ANKRD26: variants seen among roughly 807,000 people sequenced by gnomAD.
ANKRD26 encodes the protein ankyrin repeat domain-containing protein 26.
A neutral mutation model predicts 208.7 loss-of-function variants in ANKRD26; 141 were observed. That is an observed-to-expected ratio of 0.68 (90% CI 0.59 to 0.78). The LOEUF (loss-of-function observed/expected upper bound fraction) is 0.78. ANKRD26 is among the 30% of genes least tolerant of loss of function. The pLI is 0.00. For synonymous variants in ANKRD26, 636 were observed against 660.4 expected (o/e 0.96, Z 0.57); for missense variants, 1,889 against 1,938.7 (o/e 0.97, Z 0.48).
At chr10:27,046,278 T>C in intron 18 of ANKRD26, 75 bp downstream of exon 18, 1 of 1,397,494 alleles carries the variant, frequency 7.2e-7, no homozygotes, top group Non-Finnish European at 1.0e-6. Context: ...TTTGGGAGAC[T>C]ACATCATTCT....
intron 32 of ANKRD26, among the ~76,000 whole-genome samples, chr10:27,009,937 A>G (rs1432378638): frequency 6.6e-6 from 1 of 152,168 alleles, no homozygotes; most frequent in Admixed American, 6.5e-5. Flanking sequence ...ATGTACCAAC[A>G]AGTTTTGGCT....
intron 18 of ANKRD26, 132 bp downstream of exon 18, chr10:27,046,221 C>T: frequency 2.1e-6 from 2 of 963,384 alleles, no homozygotes; most frequent in African/African-American, 1.6e-5. Flanking sequence ...GTCACTTGTC[C>T]TCATCTTAAT....
At chr10:26,969,082 A>G (rs1282573484), downstream of ANKRD26, among the ~76,000 whole-genome samples, 2 of 152,168 alleles carry the variant, frequency 1.3e-5, no homozygotes, top group Non-Finnish European at 2.9e-5. Context: ...TTAGCCTAAT[A>G]TATACTCCTT....
intron 6 of ANKRD26, among the ~76,000 whole-genome samples, chr10:27,079,457 G>C (rs993860711): frequency 2.0e-5 from 3 of 152,168 alleles, no homozygotes; most frequent in African/African-American, 7.2e-5. Context: ...GCAGAACCTG[G>C]GAATACTTTG....
downstream of ANKRD26, among the ~76,000 whole-genome samples, chr10:26,989,092 A>T (rs544204370): frequency 0.015 from 2,254 of 150,926 alleles, 22 homozygotes; most frequent in Non-Finnish European, 0.023. Context: ...CGGGCAAGAT[A>T]TTTTTTTTTC....
downstream of ANKRD26, among the ~76,000 whole-genome samples, chr10:26,989,377 T>G (rs970228023): frequency 2.6e-5 from 4 of 152,220 alleles, no homozygotes; most frequent in Admixed American, 2.6e-4. Context: ...TTGTCAAGAC[T>G]TTTTAAAATT....
chr10:26,955,528 C>T, the ANKRD26 span, among the ~76,000 whole-genome samples: 1 of 151,618 alleles, frequency 6.6e-6, no homozygotes, highest in Admixed American at 6.6e-5. Context: ...TGTTCCAATC[C>T]AATTTGCCTT....
chr10:27,042,586 T>C (rs1359278389), intron 20 of ANKRD26, among the ~76,000 whole-genome samples: 1 of 151,984 alleles, frequency 6.6e-6, no homozygotes, highest in Non-Finnish European at 1.5e-5. Context: ...ACCCTGTCTC[T>C]ACTAAAAATA....
intron 32 of ANKRD26, among the ~76,000 whole-genome samples, chr10:27,010,163 A>G (rs1329158011): frequency 6.6e-6 from 1 of 152,172 alleles, no homozygotes; most frequent in Non-Finnish European, 1.5e-5. Flanking sequence ...AAATTTTTTT[A>G]ATGTATGAAA....
chr10:27,033,313 G>A lies in ANKRD26; in HGVS notation c.3719C>T (p.Ala1240Val). 3 of 1,612,592 alleles carry A rather than the reference G, an allele frequency of 1.9e-6. No homozygotes were observed. The highest frequency in any genetic ancestry group is 2.5e-6 in the Non-Finnish European group (3 of 1,179,004). ...DTLKKQSMSE[A>V]SLEVTSRYRI... ...ATAACGTGACGTAACCTCCAGTGAAGCCTCTGACATAGATTGTTTTTTTAG... is the reference window on the plus strand; with the variant it reads ...ATAACGTGACGTAACCTCCAGTGAAACCTCTGACATAGATTGTTTTTTTAG... The change falls in exon 25 of 34, where the codon GCT becomes GTT. Residue 1240 changes from alanine to valine, a missense_variant. By Grantham distance (64) the Ala-to-Val change is moderately conservative. Coordinates refer to ENST00000376087, the MANE Select transcript of ANKRD26 (RefSeq NM_014915.3).
chr10:27,007,518 T>C (rs556079719), intron 32 of ANKRD26, among the ~76,000 whole-genome samples: 10 of 152,238 alleles, frequency 6.6e-5, no homozygotes, highest in South Asian at 2.1e-4. Flanking sequence ...TAGCCAGATA[T>C]GGTGCCTTGT....
At chr10:27,093,834 T>C (rs201656516) in intron 1 of ANKRD26, 35 bp from the exon 2 acceptor site, 440 of 1,435,802 alleles carry the variant, frequency 3.1e-4, no homozygotes, top group Non-Finnish European at 2.0e-4. Flanking sequence ...TAAACTGTAG[T>C]GCACTGTCTC....
At position 27,005,036 on chromosome 10, in the gene ANKRD26, T is replaced by A. The variant is rs2052822753; in HGVS notation, c.*554A>T. Reference sequence around the variant, plus strand: ...TGTACTAAAACTTCGAAATTTTCTCTAAACTGAAGGCTATTTCCAAAAGGT... The same window carrying A: ...TGTACTAAAACTTCGAAATTTTCTCAAAACTGAAGGCTATTTCCAAAAGGT... On this transcript the variant is annotated 3_prime_UTR_variant, in exon 34 of 34. Coordinates refer to ENST00000376087, the MANE Select transcript of ANKRD26 (RefSeq NM_014915.3). 1.0e-6 allele frequency: 1 copy of A among 984,872 alleles called. No individual in the cohort carries two copies. Among genetic ancestry groups the A allele is most frequent in the South Asian group, 4.7e-5 (1 of 21,278 alleles). The allele number at this position is 984,872 out of a possible 1,614,324, so 61.0% of individuals were successfully genotyped here.
chr10:27,013,615 T>C (rs2053191330), intron 31 of ANKRD26, among the ~76,000 whole-genome samples: 1 of 152,236 alleles, frequency 6.6e-6, no homozygotes, highest in Non-Finnish European at 1.5e-5. Context: ...CTAAAAATAC[T>C]TGTATTTAGT....
At chr10:26,975,458 C>T (rs2052211985) in exon 6 of ANKRD26, among the ~76,000 whole-genome samples, 2 of 142,026 alleles carry the variant, frequency 1.4e-5, no homozygotes, top group African/African-American at 5.5e-5. Context: ...CCAGGCTGGC[C>T]TCAAGCAGTC....
chr10:27,032,365 T>C (rs1453951334), intron 25 of ANKRD26, among the ~76,000 whole-genome samples: 3 of 152,052 alleles, frequency 2.0e-5, no homozygotes, highest in Admixed American at 2.0e-4. Flanking sequence ...CCAGGTGCGG[T>C]GGCTCACACC....
exon 6 of ANKRD26, among the ~76,000 whole-genome samples, chr10:26,974,358 T>C (rs1337444229): frequency 1.9e-5 from 2 of 105,504 alleles, no homozygotes; most frequent in Admixed American, 1.0e-4. Flanking sequence ...TTTTTTTTTT[T>C]GAGATGGAGT....
At chr10:27,086,711 C>A in intron 4 of ANKRD26, 102 bp from the exon 5 acceptor site, 4 of 1,274,124 alleles carry the variant, frequency 3.1e-6, no homozygotes, top group Non-Finnish European at 4.2e-6. Flanking sequence ...TCAGAGCTAA[C>A]AGCAGAATTT....
the ANKRD26 span, among the ~76,000 whole-genome samples, chr10:26,963,903 G>GTTTTTTT: frequency 9.7e-5 from 7 of 71,846 alleles, no homozygotes; most frequent in East Asian, 7.4e-4. Context: ...TGGTTGGTTG[G>GTTTTTTT]TTTTTTTTTT....
Sources: gnomAD v4.1 joint callset for allele counts (sites outside exome capture counted in the v4.1 genomes callset) on GRCh38, gnomAD v4.1.1 for gene constraint, MANE v1.5 for transcripts, NCBI Gene and HGNC (gene_info 2026-07-23, HGNC 2026-07-21) for gene names.